The following SCN8A variants were observed in gnomAD, a reference collection of about 807,000 sequenced individuals.
SCN8A encodes sodium channel protein type 8 subunit alpha.
In SCN8A, 30 loss-of-function variants were observed where a neutral mutation model predicts 184.1. The observed-to-expected ratio is 0.16, with a 90% CI of 0.12 to 0.22. The LOEUF (loss-of-function observed/expected upper bound fraction) is 0.22. SCN8A is among the 10% of genes least tolerant of loss of function. The pLI is 1.00. For missense variants in SCN8A, 1,057 were observed against 2,498.9 expected (o/e 0.42, Z 12.30); for synonymous variants, 852 against 907.0 (o/e 0.94, Z 1.09).
At chr12:51,667,702 T>C (rs543866197) in intron 2 of SCN8A, among the ~76,000 whole-genome samples, 9 of 152,320 alleles carry the variant, frequency 5.9e-5, no homozygotes, top group African/African-American at 2.2e-4. Flanking sequence ...CCAGGAAATC[T>C]GTAGGTTAAG....
chr12:51,795,447 A>G (rs759804238), intron 26 of SCN8A, among the ~76,000 whole-genome samples: 1 of 152,158 alleles, frequency 6.6e-6, no homozygotes, highest in African/African-American at 2.4e-5. Context: ...AGTTTGACTC[A>G]TTTACACTAG....
Position 51,745,890 on chromosome 12 carries a change from T to C in SCN8A, c.1999-13T>C, listed in dbSNP as rs753404365. 3 of 1,558,288 alleles carry C rather than the reference T, an allele frequency of 1.9e-6. No individual in the cohort carries two copies. The East Asian group carries it at 6.7e-5, about 35-fold the overall frequency. ...AACTCACTCTATTTGCTTTTCTTTT[T>C]TTTTTTTTAAAGGCTACAACTGAGG... On this transcript the variant is annotated splice_polypyrimidine_tract_variant and intron_variant, in intron 12 of 26. Coordinates refer to ENST00000627620, the MANE Select transcript of SCN8A (RefSeq NM_001330260.2).
intron 20 of SCN8A, among the ~76,000 whole-genome samples, chr12:51,778,617 C>T (rs1937788097): frequency 6.6e-6 from 1 of 152,170 alleles, no homozygotes; most frequent in African/African-American, 2.4e-5. Flanking sequence ...CTAGGTCATA[C>T]ACCTTCCGCT....
chr12:51,742,678 T>G (rs573176108), intron 12 of SCN8A, among the ~76,000 whole-genome samples: 1 of 152,166 alleles, frequency 6.6e-6, no homozygotes, highest in Admixed American at 6.5e-5. Context: ...TGAGGTAGTC[T>G]TCTTTTGGTT....
chr12:51,806,821 C>T lies in SCN8A; in HGVS notation c.5335C>T (p.Pro1779Ser). The T allele has an allele frequency of 6.2e-7, 1 of 1,614,134 alleles. No homozygotes were observed. Among genetic ancestry groups the T allele is most frequent in the Non-Finnish European group, 8.5e-7 (1 of 1,180,036 alleles). Residue 1779 changes from proline to serine, a missense_variant, in exon 27 of 27, where the codon CCT becomes TCT. Physicochemically the swap from Pro to Ser is moderately conservative, Grantham distance 74. Coordinates refer to ENST00000627620, the MANE Select transcript of SCN8A (RefSeq NM_001330260.2). The surrounding 1 kb of genome is among the most constrained non-coding windows in gnomAD (Gnocchi z 8.7). ...FSVATEESAD[P>S]LSEDDFETFY... ...TGTAGCCACAGAGGAAAGTGCAGAC[C>T]CTCTGAGTGAGGATGACTTTGAGAC...
At chr12:51,726,654 A>G (rs549719691) in intron 12 of SCN8A, among the ~76,000 whole-genome samples, 7 of 152,326 alleles carry the variant, frequency 4.6e-5, no homozygotes, top group Admixed American at 1.3e-4. Context: ...AAGATAAACT[A>G]TAACATATAT....
intron 1 of SCN8A, among the ~76,000 whole-genome samples, chr12:51,645,844 A>G (rs1271114666): frequency 3.3e-5 from 5 of 149,654 alleles, no homozygotes; most frequent in Non-Finnish European, 7.4e-5. Context: ...CTGCCTAGGA[A>G]AACCAGAGAC....
At chr12:51,736,878 T>A (rs993985035) in intron 12 of SCN8A, among the ~76,000 whole-genome samples, 1 of 152,232 alleles carries the variant, frequency 6.6e-6, no homozygotes, top group Non-Finnish European at 1.5e-5. Flanking sequence ...CTTTTAGAGC[T>A]GAAGTATAGG....
chr12:51,596,570 A>G (rs1592317749), intron 1 of SCN8A, among the ~76,000 whole-genome samples: 1 of 152,224 alleles, frequency 6.6e-6, no homozygotes, highest in African/African-American at 2.4e-5. Context: ...GTAGCTAAAC[A>G]TATCTTAGTG....
chr12:51,769,792 C>T, intron 17 of SCN8A, 76 bp from the exon 18 acceptor site: 1 of 942,194 alleles, frequency 1.1e-6, no homozygotes, highest in Non-Finnish European at 1.7e-6. Flanking sequence ...TCATCCCCAC[C>T]AGAGGCAGAG....
intron 1 of SCN8A, among the ~76,000 whole-genome samples, chr12:51,621,939 A>G (rs1472151358): frequency 6.6e-6 from 1 of 152,222 alleles, no homozygotes; most frequent in Non-Finnish European, 1.5e-5. Context: ...TGAATGTGCC[A>G]TGGAAGCTTT....
chr12:51,797,778 A>G (rs1938450440), intron 26 of SCN8A, among the ~76,000 whole-genome samples: 1 of 151,962 alleles, frequency 6.6e-6, no homozygotes, highest in Admixed American at 6.6e-5. Context: ...CAACACTATA[A>G]CTCCCTTCTT....
At chr12:51,633,686 G>A (rs1435255823) in intron 1 of SCN8A, among the ~76,000 whole-genome samples, 2 of 152,180 alleles carry the variant, frequency 1.3e-5, no homozygotes, top group African/African-American at 4.8e-5. Context: ...GATCGTTTCT[G>A]TACCACTGTG....
In SCN8A at chr12:51,702,815, C is replaced by T; in HGVS notation, c.1035C>T (p.Asn345=). The T allele has an allele frequency of 6.2e-7, 1 of 1,610,204 alleles. No homozygotes were observed. The highest frequency in any genetic ancestry group is 8.5e-7 in the Non-Finnish European group (1 of 1,178,060). The change falls in exon 9 of 27, where the codon AAC becomes AAT. Residue 345 remains asparagine (N), a synonymous_variant. Coordinates refer to ENST00000627620, the MANE Select transcript of SCN8A (RefSeq NM_001330260.2). ...EGYQCMKAGR[N]PNYGYTSFDT... is the part of the protein sequence containing the mutation. Reference sequence around the variant, plus strand: ...ACCAGTGTATGAAAGCAGGAAGGAACCCCAACTATGGTTACACAAGTTTTG... The same window carrying T: ...ACCAGTGTATGAAAGCAGGAAGGAATCCCAACTATGGTTACACAAGTTTTG...
chr12:51,661,996 C>T (rs1355718430), intron 1 of SCN8A, among the ~76,000 whole-genome samples: 3 of 152,216 alleles, frequency 2.0e-5, no homozygotes, highest in Admixed American at 1.3e-4. Context: ...TCTCAGGAGT[C>T]GCACGCAGGC....
intron 26 of SCN8A, among the ~76,000 whole-genome samples, chr12:51,803,102 C>CCA (rs1938601733): frequency 6.6e-6 from 1 of 152,182 alleles, no homozygotes; most frequent in African/African-American, 2.4e-5. Flanking sequence ...AGCAAGGAAG[C>CCA]CAGTAGTGGC....
Position 51,663,088 on chromosome 12 carries a change from C to A in SCN8A, c.271C>A (p.Gln91Lys), listed in dbSNP as rs762256592. 2 of 1,613,240 alleles carry A rather than the reference C, an allele frequency of 1.2e-6. No homozygotes were observed. The highest frequency in any genetic ancestry group is 2.2e-5 in the South Asian group (2 of 91,056). ...LEDFDPYYLTQKTFVVLNRGK... is the reference protein window; with the variant it reads ...LEDFDPYYLTKKTFVVLNRGK... ...GGACTTTGACCCATACTATTTGACGCAGAAAGTGAGTTGGAGGAGGAGGAG... is the reference window on the plus strand; with the variant it reads ...GGACTTTGACCCATACTATTTGACGAAGAAAGTGAGTTGGAGGAGGAGGAG... Residue 91 changes from glutamine (Q) to lysine (K), a missense_variant, in exon 2 of 27, where the codon CAG (glutamine) becomes AAG (lysine). Around this residue, in one of 19 missense-constraint regions of SCN8A, gnomAD observed 66 missense variants for 276.4 expected, o/e 0.24. Coordinates refer to ENST00000627620, the MANE Select transcript of SCN8A (RefSeq NM_001330260.2).
At chr12:51,781,348 A>G (rs1937915089) in intron 21 of SCN8A, among the ~76,000 whole-genome samples, 1 of 152,162 alleles carries the variant, frequency 6.6e-6, no homozygotes, top group African/African-American at 2.4e-5. Context: ...TTCTCAGCCC[A>G]GTCCCAAATG....
chr12:51,686,063 C>T (rs1941414572), intron 3 of SCN8A, among the ~76,000 whole-genome samples: 1 of 152,120 alleles, frequency 6.6e-6, no homozygotes, highest in South Asian at 2.1e-4. Flanking sequence ...CATTTAGAGG[C>T]TTAGTCTGTA....
Sources: allele counts gnomAD v4.1 joint callset (sites outside exome capture counted in the v4.1 genomes callset), GRCh38; gene constraint gnomAD v4.1.1; regional missense constraint gnomAD v4.1.1; non-coding constraint Gnocchi (gnomAD v3.1); transcripts MANE v1.5; gene names NCBI Gene and HGNC (gene_info 2026-07-23, HGNC 2026-07-21).